NOL4L: variants seen among roughly 807,000 people sequenced by gnomAD.
The protein encoded by NOL4L is nucleolar protein 4-like.
A neutral mutation model predicts 64.5 loss-of-function variants in NOL4L; 7 were observed. That is an observed-to-expected ratio of 0.11 (90% CI 0.06 to 0.20). The LOEUF (loss-of-function observed/expected upper bound fraction) is 0.20, where lower values mean the gene tolerates loss of function less well. Among genes scored for constraint, NOL4L ranks in the 10% least tolerant of loss-of-function variants. The pLI, the probability that NOL4L is intolerant of heterozygous loss-of-function variation, is 1.00. For synonymous variants in NOL4L, 413 were observed against 401.0 expected (o/e 1.03, Z -0.36); for missense variants, 680 against 967.1 (o/e 0.70, Z 3.94).
chr20:32,485,722 C>T, intron 4 of NOL4L: 2 of 470,452 alleles, frequency 4.3e-6, no homozygotes, highest in Non-Finnish European at 8.8e-6. Flanking sequence ...TTAAGTTCAT[C>T]CAGGAAATGT....
At chr20:32,478,242 TACACACAC>T (rs553898145) in intron 4 of NOL4L, among the ~76,000 whole-genome samples, 4 of 145,156 alleles carry the variant, frequency 2.8e-5, no homozygotes, top group African/African-American at 5.3e-5. Context: ...AGGCTATATT[TACACACAC>T]ACACACACAC....
intron 1 of NOL4L, among the ~76,000 whole-genome samples, chr20:32,531,762 A>T (rs1415553282): frequency 2.6e-5 from 4 of 152,212 alleles, no homozygotes; most frequent in Admixed American, 6.5e-5. Context: ...CAGCACATAC[A>T]GACTTGGTTA....
rs1980783650 is a variant in NOL4L, at chr20:32,584,794, G to T, written c.97C>A (p.Arg33Ser). The change falls in exon 1 of 11, where the codon CGC becomes AGC. Residue 33 changes from arginine to serine, a missense_variant. Arg to Ser is a moderately radical substitution (Grantham distance 110). Transcript: ENST00000621426. ...GTTTTGGCCGAGTCGCCGTAGGTGC[G>T]CAAGCACCAGTCCCGGAACTGGCGG... is the stretch of plus-strand genomic sequence containing the variant. ...LGRQFRDWCL[R>S]TYGDSAKTKT... 6.5e-7 allele frequency: 1 copy of T among 1,536,604 alleles called. No individual in the cohort carries two copies. The highest frequency in any genetic ancestry group is 8.7e-7 in the Non-Finnish European group (1 of 1,144,222).
chr20:32,480,271 AAGG>A (rs1301737195), intron 4 of NOL4L, among the ~76,000 whole-genome samples: 1 of 152,194 alleles, frequency 6.6e-6, no homozygotes, highest in Non-Finnish European at 1.5e-5. Context: ...TGAGAAAGAA[AAGG>A]AGGAGGATTT....
intron 4 of NOL4L, among the ~76,000 whole-genome samples, chr20:32,476,886 G>A (rs895498242): frequency 1.3e-5 from 2 of 152,254 alleles, no homozygotes; most frequent in Admixed American, 1.3e-4. Context: ...TGCGAGAAGT[G>A]AGGAGGGGAG....
chr20:32,455,729 C>G, intron 6 of NOL4L, among the ~76,000 whole-genome samples: 1 of 152,234 alleles, frequency 6.6e-6, no homozygotes, highest in Non-Finnish European at 1.5e-5. Context: ...AAAATGGGGA[C>G]AGGCACGCAG....
chr20:32,472,157 C>G lies in NOL4L; in HGVS notation c.841+2444G>C, dbSNP rs111633678. ...CTTATCCCCCATCAGAGGCGGAGCTCCATCTGCTCTGCAATGGTGTGCTTG... is the reference window on the plus strand; with the variant it reads ...CTTATCCCCCATCAGAGGCGGAGCTGCATCTGCTCTGCAATGGTGTGCTTG... On this transcript the variant is annotated intron_variant, in intron 5 of 10. Coordinates refer to ENST00000621426, the MANE Select transcript of NOL4L (RefSeq NM_001256798.2). Among the ~76,000 whole-genome samples the G allele has an allele frequency of 7.2e-3, 1,098 of 152,326 alleles. 18 individuals are homozygous for G. Among genetic ancestry groups the G allele is most frequent in the African/African-American group, 0.025 (1,028 of 41,548 alleles).
In NOL4L at chr20:32,504,414, G is replaced by C. The variant is rs183302294; in HGVS notation, c.699+6933C>G. ...TCTCTAATAAAAATACAAAAAATTAGCCAGGTGTCATGGCGGGCGCCTGTA... is the reference window on the plus strand; with the variant it reads ...TCTCTAATAAAAATACAAAAAATTACCCAGGTGTCATGGCGGGCGCCTGTA... On this transcript the variant is annotated intron_variant, in intron 4 of 10. Coordinates refer to ENST00000621426, the MANE Select transcript of NOL4L (RefSeq NM_001256798.2). Among the ~76,000 whole-genome samples the C allele has an allele frequency of 2.2e-3, 334 of 152,100 alleles. 3 individuals are homozygous for C. Among genetic ancestry groups the C allele is most frequent in the African/African-American group, 7.5e-3 (311 of 41,528 alleles).
At chr20:32,504,519 C>T (rs1777736763) in intron 4 of NOL4L, among the ~76,000 whole-genome samples, 1 of 149,534 alleles carries the variant, frequency 6.7e-6, no homozygotes, top group South Asian at 2.1e-4. Flanking sequence ...AAGATCGTGC[C>T]ACTGCACTCC....
At chr20:32,550,226 A>C (rs1297795658) in intron 1 of NOL4L, among the ~76,000 whole-genome samples, 1 of 152,224 alleles carries the variant, frequency 6.6e-6, no homozygotes, top group African/African-American at 2.4e-5. Context: ...AATACTGTAG[A>C]CTATTGTAAC....
chr20:32,516,738 C>G (rs2017682434), intron 3 of NOL4L, among the ~76,000 whole-genome samples: 1 of 152,156 alleles, frequency 6.6e-6, no homozygotes, highest in South Asian at 2.1e-4. Flanking sequence ...CGGGAGAGGC[C>G]AGGCTGGCAA....
intron 1 of NOL4L, among the ~76,000 whole-genome samples, chr20:32,565,252 C>T (rs1339362520): frequency 7.2e-5 from 11 of 152,016 alleles, no homozygotes; most frequent in African/African-American, 2.4e-5. Flanking sequence ...GCCGAGTGGA[C>T]GGTCACGTGA....
chr20:32,558,294 G>A (rs866475851), intron 1 of NOL4L, among the ~76,000 whole-genome samples: 2 of 152,114 alleles, frequency 1.3e-5, no homozygotes, highest in Non-Finnish European at 2.9e-5. Flanking sequence ...ATGGGCCTCA[G>A]TTCCTCCTCA....
At chr20:32,549,298 C>A (rs148725967) in intron 1 of NOL4L, among the ~76,000 whole-genome samples, 2 of 151,932 alleles carry the variant, frequency 1.3e-5, no homozygotes, top group East Asian at 3.9e-4. Flanking sequence ...TTTTAACGGG[C>A]AAGGATCTGA....
intron 1 of NOL4L, chr20:32,536,047 TCA>T (rs1206866543): frequency 1.0e-6 from 1 of 985,598 alleles, no homozygotes; most frequent in African/African-American, 1.7e-5. Context: ...TGCCTGGGCC[TCA>T]GTTTCCCCCT....
intron 1 of NOL4L, chr20:32,536,305 G>C (rs903622629): frequency 2.4e-5 from 24 of 985,224 alleles, no homozygotes; most frequent in Admixed American, 6.1e-5. Flanking sequence ...GGTCCCTCTC[G>C]GGCCGAGGAG....
In NOL4L at chr20:32,463,359, G is replaced by A. The variant is rs1002492188; in HGVS notation, c.842-6964C>T. On this transcript the variant is annotated intron_variant, in intron 5 of 10. Coordinates refer to ENST00000621426, the MANE Select transcript of NOL4L (RefSeq NM_001256798.2). This position sits in a 1 kb window ranked among gnomAD's most constrained non-coding sequence, Gnocchi z 5.8. ...GTCACCCTTGAGGCCAACCTGCTGG[G>A]GCCCAGTGTGATGAAAGCAGGGTGG... is the stretch of plus-strand genomic sequence containing the variant. Among the ~76,000 whole-genome samples the A allele has an allele frequency of 6.6e-6, 1 of 152,198 alleles. No individual in the cohort carries two copies. Among genetic ancestry groups the A allele is most frequent in the African/African-American group, 2.4e-5 (1 of 41,460 alleles).
intron 4 of NOL4L, among the ~76,000 whole-genome samples, chr20:32,481,764 G>C (rs991862500): frequency 2.1e-4 from 32 of 152,166 alleles, no homozygotes; most frequent in Non-Finnish European, 2.4e-4. Context: ...TTTACTACCC[G>C]GGGGGCTAAA....
intron 1 of NOL4L, among the ~76,000 whole-genome samples, chr20:32,536,931 C>T (rs949292453): frequency 1.7e-4 from 26 of 149,590 alleles, no homozygotes; most frequent in Admixed American, 3.3e-4. Context: ...TAGGCGCGCG[C>T]CCGCTCACCT....
Sources: gnomAD v4.1 joint callset for allele counts (sites outside exome capture counted in the v4.1 genomes callset) on GRCh38, gnomAD v4.1.1 for gene constraint, Gnocchi (gnomAD v3.1) non-coding constraint, MANE v1.5 for transcripts, NCBI Gene and HGNC (gene_info 2026-07-23, HGNC 2026-07-21) for gene names.